The following DIAPH2 variants were observed in gnomAD, a reference collection of about 807,000 sequenced individuals.
DIAPH2 encodes the protein diaphanous related formin 2.
In DIAPH2, 35 loss-of-function variants were observed where a neutral mutation model predicts 92.7. That is an observed-to-expected ratio of 0.38 (90% CI 0.29 to 0.50). DIAPH2 has a LOEUF of 0.50. DIAPH2 is among the 20% of genes least tolerant of loss of function. The pLI is 0.94. For missense variants in DIAPH2, 701 were observed against 819.5 expected (o/e 0.86, Z 1.77); for synonymous variants, 301 against 280.4 (o/e 1.07, Z -0.73).
chrX:97,232,447 C>G (rs1408221691), intron 22 of DIAPH2, among the ~76,000 whole-genome samples: 4 of 111,607 alleles, frequency 3.6e-5, no homozygotes, highest in African/African-American at 6.5e-5. Flanking sequence ...GTTGGCCAGG[C>G]TGGTCTCGAA....
intron 17 of DIAPH2, among the ~76,000 whole-genome samples, chrX:97,002,425 T>A (rs2066151225): frequency 9.0e-6 from 1 of 111,171 alleles, no homozygotes; most frequent in African/African-American, 3.3e-5. Context: ...ATGTTTAATG[T>A]TAGCAAAGCA....
chrX:96,991,026 A>T (rs2066066087), intron 17 of DIAPH2, among the ~76,000 whole-genome samples: 1 of 110,926 alleles, frequency 9.0e-6, no homozygotes, highest in South Asian at 3.8e-4. Context: ...CATAGCATTT[A>T]CTCTGTGCTA....
At chrX:96,854,506 C>T (rs2065024303) in intron 4 of DIAPH2, among the ~76,000 whole-genome samples, 1 of 100,463 alleles carries the variant, frequency 1.0e-5, no homozygotes, top group African/African-American at 3.6e-5. Flanking sequence ...TGTCTGAAAC[C>T]ATGGATAGTA....
In DIAPH2 at chrX:97,161,926, T is replaced by A. The variant is rs192422464; in HGVS notation, c.2719+20132T>A. Among the ~76,000 whole-genome samples the A allele has an allele frequency of 2.1e-3, 232 of 111,692 alleles. 3 individuals are homozygous for A. The highest frequency in any genetic ancestry group is 7.2e-3 in the African/African-American group (222 of 30,799). On this transcript the variant is annotated intron_variant, in intron 22 of 26. Coordinates refer to ENST00000324765, the MANE Select transcript of DIAPH2 (RefSeq NM_006729.5). ...ATTCTTTACTTCTGTAACATTATAG[T>A]CTCTTCATCTGTAATTTTTATAAGA... is the stretch of plus-strand genomic sequence containing the variant.
At chrX:97,148,296 G>T (rs1045894169) in intron 22 of DIAPH2, among the ~76,000 whole-genome samples, 1 of 111,591 alleles carries the variant, frequency 9.0e-6, no homozygotes, top group Non-Finnish European at 1.9e-5. Context: ...TCACATACTG[G>T]AAAACATATA....
intron 23 of DIAPH2, among the ~76,000 whole-genome samples, chrX:97,284,847 G>C (rs186520081): frequency 6.5e-4 from 72 of 111,226 alleles, no homozygotes; most frequent in Non-Finnish European, 1.2e-3. Flanking sequence ...TAGAAGGCAA[G>C]GGCTATAACC....
At chrX:96,975,426 C>A (rs1452783501) in intron 17 of DIAPH2, among the ~76,000 whole-genome samples, 1 of 111,831 alleles carries the variant, frequency 8.9e-6, no homozygotes, top group Non-Finnish European at 1.9e-5. Flanking sequence ...GAGTGCACAG[C>A]CCTTGTAAGA....
At chrX:97,459,633 T>C (rs775015791) in intron 26 of DIAPH2, among the ~76,000 whole-genome samples, 38 of 112,266 alleles carry the variant, frequency 3.4e-4, no homozygotes, top group African/African-American at 1.2e-3. Flanking sequence ...TGATGGGTTA[T>C]GTATATTCTG....
At chrX:97,410,734 TG>T (rs2069861735) in intron 25 of DIAPH2, among the ~76,000 whole-genome samples, 1 of 111,950 alleles carries the variant, frequency 8.9e-6, no homozygotes, top group Non-Finnish European at 1.9e-5. Flanking sequence ...CTGAAAACCA[TG>T]GCATGAGAAC....
At chrX:97,205,038 A>G (rs2067784831) in intron 22 of DIAPH2, among the ~76,000 whole-genome samples, 2 of 111,066 alleles carry the variant, frequency 1.8e-5, no homozygotes, top group African/African-American at 6.6e-5. Flanking sequence ...AAACCATCTG[A>G]TCTTCAACAA....
At chrX:97,106,608 A>G (rs5966974) in intron 20 of DIAPH2, among the ~76,000 whole-genome samples, 2,045 of 111,557 alleles carry the variant, frequency 0.018, 36 homozygotes, top group African/African-American at 0.057. Flanking sequence ...TCCCCTCCAC[A>G]TATCACTAAT....
intron 25 of DIAPH2, among the ~76,000 whole-genome samples, chrX:97,418,474 C>T (rs35906116): frequency 0.36 from 39,758 of 110,750 alleles, 6,332 homozygotes; most frequent in Non-Finnish European, 0.49. Flanking sequence ...CTTGAAAAGC[C>T]GCTTCCATAC....
In DIAPH2 at chrX:96,988,676, C is replaced by T. The variant is rs1017199026; in HGVS notation, c.2050+23469C>T. ...AGCTCGAATTAGTTTAGTGTTGGTA[C>T]ATGGAAATAAATTGTATGGCTTTAT... On this transcript the variant is annotated intron_variant, in intron 17 of 26. Coordinates refer to ENST00000324765, the MANE Select transcript of DIAPH2 (RefSeq NM_006729.5). 8.1e-5 allele frequency among the ~76,000 whole-genome samples: 9 copies of T among 111,495 alleles called. No individual in the cohort carries two copies. The Admixed American group carries it at 8.5e-4, about 11-fold the overall frequency.
At chrX:97,384,901 A>AAAT (rs1165223354) in intron 25 of DIAPH2, among the ~76,000 whole-genome samples, 1 of 110,145 alleles carries the variant, frequency 9.1e-6, no homozygotes, top group African/African-American at 3.3e-5. Context: ...ATAAATAAAT[A>AAAT]AAGTTGTTTT....
At chrX:97,387,773 C>G (rs1030249035) in intron 25 of DIAPH2, among the ~76,000 whole-genome samples, 1 of 111,701 alleles carries the variant, frequency 9.0e-6, no homozygotes, top group African/African-American at 3.3e-5. Context: ...TTGACAGGTG[C>G]TGATGATTGA....
intron 3 of DIAPH2, among the ~76,000 whole-genome samples, chrX:96,750,854 G>A (rs1235871849): frequency 8.9e-6 from 1 of 112,639 alleles, no homozygotes; most frequent in Non-Finnish European, 1.9e-5. Context: ...ACAAAGAAAT[G>A]TACTTCAGCT....
chrX:96,864,946 G>T (rs1338676787), intron 4 of DIAPH2, among the ~76,000 whole-genome samples: 1 of 112,006 alleles, frequency 8.9e-6, no homozygotes, highest in Non-Finnish European at 1.9e-5. Flanking sequence ...AGGGATTACT[G>T]AAATATTTTT....
intron 17 of DIAPH2, among the ~76,000 whole-genome samples, chrX:97,040,164 T>C (rs1232696082): frequency 9.2e-6 from 1 of 108,862 alleles, no homozygotes; most frequent in African/African-American, 3.3e-5. Flanking sequence ...GCAAGTAACC[T>C]ACCCTTGAGG....
intron 23 of DIAPH2, among the ~76,000 whole-genome samples, chrX:97,286,872 G>A (rs2068547566): frequency 9.0e-6 from 1 of 111,221 alleles, no homozygotes; most frequent in Non-Finnish European, 1.9e-5. Context: ...TGAATAGCCT[G>A]ATCAATGTCC....
Sources: gnomAD v4.1 joint callset for allele counts (sites outside exome capture counted in the v4.1 genomes callset) on GRCh38, gnomAD v4.1.1 for gene constraint, MANE v1.5 for transcripts, NCBI Gene and HGNC (gene_info 2026-07-23, HGNC 2026-07-21) for gene names.